Variants in COMMD1 observed in about 807,000 individuals in gnomAD.
COMMD1 encodes copper metabolism domain containing 1.
A neutral mutation model predicts 17.2 loss-of-function variants in COMMD1; 10 were observed. That is an observed-to-expected ratio of 0.58 (90% CI 0.36 to 0.99). The LOEUF is 0.99. COMMD1 is among the 50% of genes least tolerant of loss of function. The probability of loss-of-function intolerance (pLI) is 0.01; values close to 1 mark genes in which losing one functional copy is unlikely to be tolerated. For missense variants in COMMD1, 270 were observed against 231.8 expected (o/e 1.17, Z -1.07); for synonymous variants, 97 against 91.6 (o/e 1.06, Z -0.34).
intron 1 of COMMD1, among the ~76,000 whole-genome samples, chr2:61,934,918 G>A (rs888209808): frequency 7.9e-5 from 12 of 152,144 alleles, no homozygotes; most frequent in African/African-American, 1.7e-4. Context: ...GTGCCTGGCC[G>A]CCTCATAAAT....
chr2:61,901,225 G>A (rs140088150), upstream of COMMD1, among the ~76,000 whole-genome samples: 690 of 151,944 alleles, frequency 4.5e-3, 2 homozygotes, highest in Non-Finnish European at 5.5e-3. Context: ...GGAATTACAG[G>A]TGTGAGCCAC....
chr2:61,896,282 G>A (rs967896445), intron 1 of COMMD1, among the ~76,000 whole-genome samples: 1 of 152,132 alleles, frequency 6.6e-6, no homozygotes, highest in Non-Finnish European at 1.5e-5. Context: ...ACCACAGAGG[G>A]ATCTTTTAAG....
intron 2 of COMMD1, among the ~76,000 whole-genome samples, chr2:62,117,068 A>G (rs986953940): frequency 6.6e-6 from 1 of 151,702 alleles, no homozygotes; most frequent in African/African-American, 2.4e-5. Context: ...ATAAGTAGCT[A>G]TATACTGGAT....
chr2:62,085,221 A>ATTTTTTTTT (rs36006181), intron 2 of COMMD1, among the ~76,000 whole-genome samples: 1 of 144,414 alleles, frequency 6.9e-6, no homozygotes. Context: ...TACAGTTTGA[A>ATTTTTTTTT]TTTTTTTTTT....
chr2:62,018,674 T>C (rs868806439), intron 2 of COMMD1, among the ~76,000 whole-genome samples: 2 of 152,254 alleles, frequency 1.3e-5, no homozygotes, highest in African/African-American at 4.8e-5. Flanking sequence ...CTTGACAGTC[T>C]TGAAGAATAC....
intron 1 of COMMD1, among the ~76,000 whole-genome samples, chr2:61,996,443 A>G (rs759047852): frequency 2.6e-5 from 4 of 151,472 alleles, no homozygotes; most frequent in South Asian, 2.1e-4. Context: ...GGCTGTGGCA[A>G]TTTCTTAAAT....
chr2:62,022,068 CT>C lies in COMMD1; in HGVS notation c.462+21087del, dbSNP rs376847576. ...AAATCTGATTCATGAAGATTTACCC[CT>C]ATGTAGATCTTATATTTAGATTGTT... On this transcript the variant is annotated intron_variant, in intron 2 of 2. Coordinates refer to ENST00000311832, the MANE Select transcript of COMMD1 (RefSeq NM_152516.4). 7.6e-4 allele frequency among the ~76,000 whole-genome samples: 115 copies of C among 152,202 alleles called. 1 individual carries two copies. The highest frequency in any genetic ancestry group is 2.5e-3 in the African/African-American group (102 of 41,536).
At chr2:61,898,936 G>C (rs969909467) in intron 1 of COMMD1, among the ~76,000 whole-genome samples, 1 of 152,090 alleles carries the variant, frequency 6.6e-6, no homozygotes, top group African/African-American at 2.4e-5. Flanking sequence ...GGATCCTTTT[G>C]CTTGAAAGCC....
At chr2:62,035,977 C>A (rs1670027512) in intron 2 of COMMD1, among the ~76,000 whole-genome samples, 1 of 151,750 alleles carries the variant, frequency 6.6e-6, no homozygotes, top group Non-Finnish European at 1.5e-5. Context: ...TGTCTGGATC[C>A]TGGGAGGCGG....
intron 2 of COMMD1, among the ~76,000 whole-genome samples, chr2:62,041,197 A>G (rs1284560421): frequency 1.3e-5 from 2 of 152,240 alleles, no homozygotes; most frequent in African/African-American, 4.8e-5. Context: ...AATATGTTTC[A>G]GACTGGAACT....
At chr2:61,970,494 T>C (rs1012070932) in intron 1 of COMMD1, among the ~76,000 whole-genome samples, 1 of 152,198 alleles carries the variant, frequency 6.6e-6, no homozygotes, top group African/African-American at 2.4e-5. Flanking sequence ...AGATTACTTA[T>C]AATACGTAAA....
At chr2:61,912,197 C>T (rs867859471) in intron 1 of COMMD1, among the ~76,000 whole-genome samples, 21 of 152,218 alleles carry the variant, frequency 1.4e-4, no homozygotes, top group Middle Eastern at 6.8e-3. Context: ...ATTATTGTTT[C>T]TTCTTTATTC....
intron 2 of COMMD1, among the ~76,000 whole-genome samples, chr2:62,086,964 C>CAT (rs1224587258): frequency 6.6e-6 from 1 of 151,906 alleles, no homozygotes; most frequent in Non-Finnish European, 1.5e-5. Context: ...GCTGGGATTA[C>CAT]AAGCATGTGC....
At chr2:62,111,417 C>T (rs371576837) in intron 2 of COMMD1, among the ~76,000 whole-genome samples, 1 of 152,080 alleles carries the variant, frequency 6.6e-6, no homozygotes, top group Non-Finnish European at 1.5e-5. Context: ...TGGACAGTTG[C>T]GTAGAAGTGT....
intron 2 of COMMD1, among the ~76,000 whole-genome samples, chr2:62,098,541 A>G (rs1004058984): frequency 6.6e-6 from 1 of 152,216 alleles, no homozygotes; most frequent in Non-Finnish European, 1.5e-5. Context: ...CTAACTCCTT[A>G]TCTAAACCTT....
At chr2:62,083,171 G>A (rs1195760061) in intron 2 of COMMD1, among the ~76,000 whole-genome samples, 2 of 152,148 alleles carry the variant, frequency 1.3e-5, no homozygotes, top group African/African-American at 4.8e-5. Context: ...CCTAACGTGG[G>A]AGGTTTGCTT....
intron 1 of COMMD1, among the ~76,000 whole-genome samples, chr2:61,913,922 A>G (rs191094709): frequency 1.3e-5 from 2 of 152,144 alleles, no homozygotes; most frequent in African/African-American, 4.8e-5. Context: ...CTGTAATCCC[A>G]GCACTTTGGG....
intron 2 of COMMD1, among the ~76,000 whole-genome samples, chr2:62,099,218 A>C (rs1045805659): frequency 6.6e-6 from 1 of 152,160 alleles, no homozygotes; most frequent in Non-Finnish European, 1.5e-5. Context: ...TCCTGATTTT[A>C]GAAGTGGCGA....
At chr2:62,111,442 C>G (rs1291971033) in intron 2 of COMMD1, among the ~76,000 whole-genome samples, 1 of 152,118 alleles carries the variant, frequency 6.6e-6, no homozygotes, top group East Asian at 1.9e-4. Flanking sequence ...GGGGTGTATT[C>G]TAATGGTAAT....
Sources: gnomAD v4.1 joint callset for allele counts (sites outside exome capture counted in the v4.1 genomes callset) on GRCh38, gnomAD v4.1.1 for gene constraint, MANE v1.5 for transcripts, NCBI Gene and HGNC (gene_info 2026-07-23, HGNC 2026-07-21) for gene names.